RSRP1: variants seen among roughly 807,000 people sequenced by gnomAD.
The protein encoded by RSRP1 is arginine/serine-rich protein 1.
Under a neutral mutation model 33.0 loss-of-function variants are expected in RSRP1, and 37 were observed. The observed-to-expected ratio is 1.12, with a 90% CI of 0.86 to 1.48. The LOEUF is 1.48. RSRP1 is among the 40% of genes most tolerant of loss of function. The pLI is 0.00. For synonymous variants in RSRP1, 167 were observed against 158.7 expected, an observed-to-expected ratio of 1.05 and a Z score of -0.40; for missense variants, 402 against 385.3, an observed-to-expected ratio of 1.04 and a Z score of -0.36.
At chr1:25,292,710 CAA>C (rs1232369042) in intron 1 of RSRP1, among the ~76,000 whole-genome samples, 1 of 126,696 alleles carries the variant, frequency 7.9e-6, no homozygotes, top group East Asian at 2.0e-4. Flanking sequence ...TGGAGATGTA[CAA>C]GTCTGAAGCT....
chr1:25,302,523 G>C (rs1162134388), intron 1 of RSRP1, among the ~76,000 whole-genome samples: 1 of 129,948 alleles, frequency 7.7e-6, no homozygotes, highest in Admixed American at 7.5e-5. Flanking sequence ...AGGCAGGAGT[G>C]GGTGTCAACT....
intron 1 of RSRP1, among the ~76,000 whole-genome samples, chr1:25,321,584 C>T (rs1644706736): frequency 1.6e-5 from 2 of 124,744 alleles, no homozygotes; most frequent in African/African-American, 2.7e-5. Context: ...GCAGGATAAT[C>T]GCTTGAACCT....
chr1:25,286,251 A>T (rs1442368396), intron 1 of RSRP1, among the ~76,000 whole-genome samples: 1 of 135,262 alleles, frequency 7.4e-6, no homozygotes, highest in Non-Finnish European at 1.8e-5. Flanking sequence ...TACTTTTGGG[A>T]ACCGAGGTGG....
Position 25,298,888 on chromosome 1 carries a change from T to C in RSRP1, c.-67+39090A>G, listed in dbSNP as rs1322015302. Among the ~76,000 whole-genome samples, 14 of 127,354 alleles carry C rather than the reference T, an allele frequency of 1.1e-4. 3 individuals are homozygous for C. Among genetic ancestry groups the C allele is most frequent in the Admixed American group, 3.8e-4 (5 of 13,118 alleles). 83.5% of individuals were successfully genotyped at this position (127,354 alleles called of 152,430 possible). Reference sequence around the variant, plus strand: ...AACACGAAAAGTTGGGGAGAGAGGATAACTGTTTGAGAGGGTGGCCAGGGG... The same window carrying C: ...AACACGAAAAGTTGGGGAGAGAGGACAACTGTTTGAGAGGGTGGCCAGGGG... On this transcript the variant is annotated intron_variant, in intron 1 of 1. Coordinates refer to the RSRP1 transcript ENST00000561867.
chr1:25,329,237 GTTTTT>G (rs71014352), intron 1 of RSRP1: 133 of 233,102 alleles, frequency 5.7e-4, no homozygotes, highest in African/African-American at 1.6e-3. Flanking sequence ...ATTATTCCTT[GTTTTT>G]TTTTTTTTTT....
At chr1:25,252,727 G>A (rs1438004088) in intron 1 of RSRP1, among the ~76,000 whole-genome samples, 6 of 152,104 alleles carry the variant, frequency 3.9e-5, no homozygotes, top group Admixed American at 3.9e-4. Context: ...TAGGATGGGG[G>A]TTTCACCATG....
At position 25,246,541 on chromosome 1, in the gene RSRP1, G is replaced by A; in HGVS notation, c.423C>T (p.Gly141=). ...CCTCCGGGTACACTGTGCGACCAAA[G>A]CCGTAGTAGCGCTGTCCCCGCGCGA... ...YAIARGQRYY[G]FGRTVYPEEH... Residue 141 remains glycine (G), a synonymous_variant, in exon 2 of 5, where the codon GGC becomes GGT. Transcript: ENST00000243189. 6.8e-6 allele frequency: 11 copies of A among 1,614,236 alleles called. No homozygotes were observed. The highest frequency in any genetic ancestry group is 1.3e-5 in the African/African-American group (1 of 75,070).
intron 1 of RSRP1, among the ~76,000 whole-genome samples, chr1:25,320,946 A>T (rs1282107220): frequency 7.6e-6 from 1 of 131,612 alleles, no homozygotes; most frequent in Non-Finnish European, 1.8e-5. Flanking sequence ...TGGGAGGCTG[A>T]GGTGGGAGGG....
intron 1 of RSRP1, among the ~76,000 whole-genome samples, chr1:25,276,723 A>G (rs71652362): frequency 7.7e-6 from 1 of 129,290 alleles, no homozygotes; most frequent in South Asian, 2.3e-4. Flanking sequence ...CAAAAAAAAT[A>G]AAAATATTTG....
intron 1 of RSRP1, chr1:25,284,549 T>C (rs775873064): frequency 2.9e-6 from 4 of 1,387,322 alleles, no homozygotes; most frequent in Middle Eastern, 1.8e-4. Flanking sequence ...CCCTCGTCCT[T>C]CTCGCCATCT....
intron 3 of RSRP1, chr1:25,244,595 G>A: frequency 7.9e-7 from 1 of 1,271,870 alleles, no homozygotes; most frequent in Non-Finnish European, 1.0e-6. Flanking sequence ...CAAACACTCT[G>A]TAAATAGCTT....
At chr1:25,288,805 C>T (rs1247509153) in intron 1 of RSRP1, among the ~76,000 whole-genome samples, 5 of 126,778 alleles carry the variant, frequency 3.9e-5, no homozygotes, top group Admixed American at 3.1e-4. Context: ...AATGAAATAC[C>T]GCCGCCGGCA....
At position 25,246,592 on chromosome 1, in the gene RSRP1, C is replaced by A; in HGVS notation, c.372G>T (p.Arg124Ser). The change falls in exon 2 of 5, where the codon AGG becomes AGT. Residue 124 changes from arginine to serine, a missense_variant. Coordinates refer to ENST00000243189, the MANE Select transcript of RSRP1 (RefSeq NM_020317.5). Reference protein sequence around the residue: ...RSRSRSRSRGRSYCGRAYAIA... With the variant: ...RSRSRSRSRGSSYCGRAYAIA... ...TCGCGTACGCCCTTCCGCAGTACGA[C>A]CTTCCCCGAGAGCGCGACCTGCTAC... 1 of 1,614,170 alleles carries A rather than the reference C, an allele frequency of 6.2e-7. No homozygotes were observed. The highest frequency in any genetic ancestry group is 8.5e-7 in the Non-Finnish European group (1 of 1,180,044).
chr1:25,302,332 C>T (rs1211902759), intron 1 of RSRP1, among the ~76,000 whole-genome samples: 1 of 128,440 alleles, frequency 7.8e-6, no homozygotes, highest in Non-Finnish European at 1.8e-5. Flanking sequence ...GAAGGGGCTC[C>T]AGCTGGTGGT....
chr1:25,322,334 A>G lies in RSRP1; in HGVS notation c.-67+15644T>C, dbSNP rs1310147406. The stretch of plus-strand genomic sequence containing the variant: ...AAGAAACCTCAAGCCTTGGAGTCCA[A>G]CCCCTTTTTTGACAGATGCTAAGAG... On this transcript the variant is annotated intron_variant, in intron 1 of 1. Transcript: ENST00000561867. Among the ~76,000 whole-genome samples, 2 of 131,960 alleles carry G rather than the reference A, an allele frequency of 1.5e-5. 1 individual carries two copies. The allele number at this position is 131,960 out of a possible 152,430, so 86.6% of individuals were successfully genotyped here.
chr1:25,331,972 C>T (rs1243473310), intron 1 of RSRP1, among the ~76,000 whole-genome samples: 1 of 126,938 alleles, frequency 7.9e-6, no homozygotes, highest in East Asian at 2.0e-4. Context: ...AATCTCCTGA[C>T]CTCGTGATCC....
chr1:25,252,853 C>A (rs1639833068), intron 1 of RSRP1, among the ~76,000 whole-genome samples: 1 of 150,892 alleles, frequency 6.6e-6, no homozygotes, highest in Non-Finnish European at 1.5e-5. Flanking sequence ...TTATAGTATT[C>A]TTTTTGGCAT....
rs1193592351 is a variant in RSRP1, at chr1:25,291,720, C to A, written c.-66-44691G>T. 1.5e-5 allele frequency among the ~76,000 whole-genome samples: 2 copies of A among 132,468 alleles called. 1 individual carries two copies. The highest frequency in any genetic ancestry group is 5.2e-5 in the African/African-American group (2 of 38,816). The allele number at this position is 132,468 out of a possible 152,430, so 86.9% of individuals were successfully genotyped here. A position where few individuals can be genotyped will look rare whatever the true frequency, so the allele number is the denominator to read the frequency against. On this transcript the variant is annotated intron_variant, in intron 1 of 1. Transcript: ENST00000561867. ...AGCCAGCATCTTCTTTCAGTCAGTG[C>A]GTGTCAGTAACTGCATATGTCCTCT... is the stretch of plus-strand genomic sequence containing the variant.
At chr1:25,272,754 G>A in intron 1 of RSRP1, 1 of 1,370,350 alleles carries the variant, frequency 7.3e-7, no homozygotes. Flanking sequence ...GGGCGGGGGA[G>A]GCCTGTGGTT....
Sources: allele counts gnomAD v4.1 joint callset (sites outside exome capture counted in the v4.1 genomes callset), GRCh38; gene constraint gnomAD v4.1.1; transcripts MANE v1.5; gene names NCBI Gene and HGNC (gene_info 2026-07-23, HGNC 2026-07-21).